Variants in LRP1B observed in about 807,000 individuals in gnomAD.
The protein encoded by LRP1B is LDL receptor related protein 1B, also known as low-density lipoprotein receptor-related protein 1B.
Under a neutral mutation model 556.6 loss-of-function variants are expected in LRP1B, and 217 were observed. The observed-to-expected ratio is 0.39, with a 90% CI of 0.35 to 0.44. The LOEUF (loss-of-function observed/expected upper bound fraction) is 0.44. Ranked by LOEUF, LRP1B falls within the 20% of genes least tolerant of loss-of-function variation. The probability of loss-of-function intolerance (pLI) is 1.00; values close to 1 mark genes in which losing one functional copy is unlikely to be tolerated. For missense variants in LRP1B, 5,053 were observed against 5,620.8 expected (o/e 0.90, Z 3.23); for synonymous variants, 2,047 against 1,865.8 (o/e 1.10, Z -2.50).
intron 63 of LRP1B, 85 bp from the exon 64 acceptor site, chr2:140,444,764 T>A: frequency 1.3e-6 from 1 of 789,882 alleles, no homozygotes; most frequent in Non-Finnish European, 2.2e-6. Context: ...TCAAGATATT[T>A]ACTATAATAA....
At chr2:141,445,109 G>A (rs1422739409) in intron 3 of LRP1B, among the ~76,000 whole-genome samples, 3 of 152,274 alleles carry the variant, frequency 2.0e-5, no homozygotes, top group South Asian at 2.1e-4. Context: ...TTCAGAATTT[G>A]GTATTGGTCT....
rs779157442 is a variant in LRP1B, at chr2:141,281,441, G to A, written c.344-26800C>T. 2.0e-4 allele frequency among the ~76,000 whole-genome samples: 31 copies of A among 152,004 alleles called. 1 individual carries two copies. The highest frequency in any genetic ancestry group is 2.9e-4 in the Non-Finnish European group (20 of 67,888). ...AGACATTGGTAAAAGTATAAAATGA[G>A]TCTTATATAAATATGCCAATCACTA... On this transcript the variant is annotated intron_variant, in intron 3 of 90. Coordinates refer to ENST00000389484, the MANE Select transcript of LRP1B (RefSeq NM_018557.3).
At chr2:141,229,950 T>G (rs926702032) in intron 5 of LRP1B, among the ~76,000 whole-genome samples, 2 of 152,166 alleles carry the variant, frequency 1.3e-5, no homozygotes, top group Non-Finnish European at 2.9e-5. Context: ...AGCCAAACAA[T>G]CACACATTCT....
chr2:140,337,819 T>C (rs1361844741), intron 77 of LRP1B, among the ~76,000 whole-genome samples: 1 of 151,858 alleles, frequency 6.6e-6, no homozygotes, highest in Non-Finnish European at 1.5e-5. Flanking sequence ...TCCACTTCTG[T>C]TGAATTTAGG....
intron 84 of LRP1B, among the ~76,000 whole-genome samples, chr2:140,276,220 T>C (rs1368649071): frequency 6.6e-6 from 1 of 151,978 alleles, no homozygotes; most frequent in African/African-American, 2.4e-5. Flanking sequence ...AATTCTCATG[T>C]TTATGTTTAT....
intron 2 of LRP1B, among the ~76,000 whole-genome samples, chr2:141,705,907 A>T (rs1381832535): frequency 2.6e-5 from 4 of 151,990 alleles, no homozygotes. Context: ...CCATTCAATG[A>T]TTATCATATT....
intron 1 of LRP1B, among the ~76,000 whole-genome samples, chr2:142,014,605 A>G (rs752139672): frequency 1.2e-4 from 18 of 152,242 alleles, no homozygotes; most frequent in Non-Finnish European, 2.5e-4. Flanking sequence ...GAGCTGTCAC[A>G]AAGCAGTAAA....
intron 6 of LRP1B, among the ~76,000 whole-genome samples, chr2:141,200,304 A>G (rs1330154783): frequency 2.6e-5 from 4 of 152,130 alleles, no homozygotes; most frequent in Non-Finnish European, 5.9e-5. Flanking sequence ...ATGGAGCTGG[A>G]GTTCTCAGTC....
intron 18 of LRP1B, among the ~76,000 whole-genome samples, chr2:140,979,564 G>T (rs540454499): frequency 8.3e-4 from 126 of 152,106 alleles, no homozygotes; most frequent in African/African-American, 2.9e-3. Context: ...CTTGATATTG[G>T]CCAGGGTGGG....
Position 140,619,074 on chromosome 2 carries a change from T to TAC in LRP1B, c.6800-17437_6800-17436dup, listed in dbSNP as rs113009077. On this transcript the variant is annotated intron_variant, in intron 41 of 90. Coordinates refer to ENST00000389484, the MANE Select transcript of LRP1B (RefSeq NM_018557.3). Reference sequence around the variant, plus strand: ...GAATCTGATGGTATGTATATCTATCTACACACACACACACACACACACACA... The same window carrying TAC: ...GAATCTGATGGTATGTATATCTATCTACACACACACACACACACACACACACA... 9.6e-3 allele frequency among the ~76,000 whole-genome samples: 1,409 copies of TAC among 146,554 alleles called. 13 individuals carry two copies. Among genetic ancestry groups the TAC allele is most frequent in the East Asian group, 0.034 (165 of 4,856 alleles).
intron 35 of LRP1B, among the ~76,000 whole-genome samples, chr2:140,756,779 T>C (rs1221352212): frequency 6.6e-6 from 1 of 152,108 alleles, no homozygotes; most frequent in African/African-American, 2.4e-5. Flanking sequence ...TTAGATATGA[T>C]ACAAAAAGCA....
At position 140,766,844 on chromosome 2, in the gene LRP1B, T is replaced by TATATATATATATATATATATA. The variant is rs1491148843; in HGVS notation, c.5758+2368_5758+2369insTATATATATATATATATATAT. Among the ~76,000 whole-genome samples, 4 of 54,926 alleles carry TATATATATATATATATATATA rather than the reference T, an allele frequency of 7.3e-5. No homozygotes were observed. In the East Asian group the frequency reaches 1.7e-3, roughly 24 times the overall value. The allele number at this position is 54,926 out of a possible 152,430, so 36.0% of individuals were successfully genotyped here. A position where few individuals can be genotyped will look rare whatever the true frequency, so the allele number is the denominator to read the frequency against. On this transcript the variant is annotated intron_variant, in intron 35 of 90. Transcript: ENST00000389484. ...TAAAATATATATATATATATATATA[T>TATATATATATATATATATATA]TATATATATATATATATATATAATA...
intron 2 of LRP1B, among the ~76,000 whole-genome samples, chr2:141,487,090 A>C (rs1276872991): frequency 6.6e-6 from 1 of 152,116 alleles, no homozygotes; most frequent in Non-Finnish European, 1.5e-5. Context: ...GCTTGGACAC[A>C]TTTCACACAT....
At chr2:141,949,123 A>T (rs1168291673) in intron 1 of LRP1B, among the ~76,000 whole-genome samples, 1 of 152,126 alleles carries the variant, frequency 6.6e-6, no homozygotes, top group Admixed American at 6.6e-5. Context: ...ACTATAAACA[A>T]TATTATTAAA....
At chr2:141,035,302 ATATG>A (rs1698500128) in intron 11 of LRP1B, among the ~76,000 whole-genome samples, 1 of 152,010 alleles carries the variant, frequency 6.6e-6, no homozygotes, top group Non-Finnish European at 1.5e-5. Context: ...ACATGTATAC[ATATG>A]TAACTAACCT....
chr2:140,299,296 G>A (rs1281765555), intron 83 of LRP1B, among the ~76,000 whole-genome samples: 1 of 151,834 alleles, frequency 6.6e-6, no homozygotes, highest in African/African-American at 2.4e-5. Flanking sequence ...GTGAATTGAG[G>A]GTCCATAACT....
At chr2:141,292,371 T>A (rs988458817) in intron 3 of LRP1B, among the ~76,000 whole-genome samples, 1 of 152,042 alleles carries the variant, frequency 6.6e-6, no homozygotes, top group African/African-American at 2.4e-5. Flanking sequence ...GCTCCCTCTA[T>A]CAACTCATAG....
intron 41 of LRP1B, among the ~76,000 whole-genome samples, chr2:140,610,275 T>C (rs1307847842): frequency 6.6e-6 from 1 of 152,180 alleles, no homozygotes; most frequent in African/African-American, 2.4e-5. Context: ...CCCCTCAAAC[T>C]GAGCAAAGTT....
At chr2:141,971,638 CAG>C (rs1017530817) in intron 1 of LRP1B, among the ~76,000 whole-genome samples, 1 of 151,386 alleles carries the variant, frequency 6.6e-6, no homozygotes, top group Admixed American at 6.6e-5. Context: ...ATTTATATTG[CAG>C]AGAGAGCCCA....
Sources: gnomAD v4.1 joint callset for allele counts (sites outside exome capture counted in the v4.1 genomes callset) on GRCh38, gnomAD v4.1.1 for gene constraint, MANE v1.5 for transcripts, NCBI Gene and HGNC (gene_info 2026-07-23, HGNC 2026-07-21) for gene names.